CD59: variants seen among roughly 807,000 people sequenced by gnomAD.
The protein encoded by CD59 is CD59 molecule (CD59 blood group).
A neutral mutation model predicts 7.0 loss-of-function variants in CD59; 3 were observed. The ratio of observed to expected loss-of-function variants is 0.43; its 90% CI spans 0.19 to 1.10. The LOEUF (loss-of-function observed/expected upper bound fraction) is 1.10, where lower values mean the gene tolerates loss of function less well. Ranked by LOEUF, CD59 falls within the 50% of genes least tolerant of loss-of-function variation. CD59 has a pLI of 0.29. For synonymous variants in CD59, 60 were observed against 62.0 expected, an observed-to-expected ratio of 0.97 and a Z score of 0.15; for missense variants, 143 against 151.0, an observed-to-expected ratio of 0.95 and a Z score of 0.28.
chr11:33,727,140 T>C (rs1173644172), intron 1 of CD59, among the ~76,000 whole-genome samples: 1 of 152,062 alleles, frequency 6.6e-6, no homozygotes, highest in East Asian at 1.9e-4. Flanking sequence ...TTCCAATCAA[T>C]AGAAAAAGAG....
At chr11:33,731,567 C>T (rs183009275) in intron 1 of CD59, 2 of 152,242 alleles carry the variant, frequency 1.3e-5, no homozygotes, top group Non-Finnish European at 2.9e-5. Context: ...TAGACTCCAG[C>T]CCTAGAGGTT....
At chr11:33,728,703 G>A (rs1177530586) in intron 1 of CD59, among the ~76,000 whole-genome samples, 2 of 152,200 alleles carry the variant, frequency 1.3e-5, no homozygotes, top group Non-Finnish European at 2.9e-5. Context: ...CTTCTGCACA[G>A]CAAAAGAAAC....
At chr11:33,728,441 A>G (rs1456934329) in intron 1 of CD59, among the ~76,000 whole-genome samples, 1 of 152,204 alleles carries the variant, frequency 6.6e-6, no homozygotes, top group Non-Finnish European at 1.5e-5. Flanking sequence ...TATTTAATAA[A>G]TGGTTCTGAG....
chr11:33,717,974 AG>A (rs2133546705), intron 2 of CD59: 1 of 190,628 alleles, frequency 5.2e-6, no homozygotes, highest in East Asian at 1.3e-4. Context: ...ATTTGATGCG[AG>A]GGAACACTAA....
intron 1 of CD59, among the ~76,000 whole-genome samples, chr11:33,730,461 T>A (rs1425969081): frequency 6.6e-6 from 1 of 152,080 alleles, no homozygotes; most frequent in East Asian, 1.9e-4. Flanking sequence ...AGACCAGACA[T>A]GGCACCAAAG....
chr11:33,709,708 G>T lies in CD59; in HGVS notation c.*418C>A, dbSNP rs921850877. On this transcript the variant is annotated 3_prime_UTR_variant, in exon 4 of 4. Coordinates refer to ENST00000642928, the MANE Select transcript of CD59 (RefSeq NM_000611.6). ...CGGGATCCCTGAAGTTTATGAAAGC[G>T]TTCCATGTGAGAGAGGATGCTCATA... 2.5e-5 allele frequency: 7 copies of T among 275,076 alleles called. No individual in the cohort carries two copies. In the Admixed American group the frequency reaches 3.5e-4, roughly 14 times the overall value. The allele number at this position is 275,076 out of a possible 1,614,324, so 17.0% of individuals were successfully genotyped here.
rs1853272550 is a variant in CD59, at chr11:33,705,460, T to C, written c.*4666A>G. 6.6e-6 allele frequency: 1 copy of C among 152,254 alleles called. No homozygotes were observed. Among genetic ancestry groups the C allele is most frequent in the African/African-American group, 2.4e-5 (1 of 41,462 alleles). 9.4% of individuals were successfully genotyped at this position (152,254 alleles called of 1,614,324 possible). ...TGGTGGTAGACACTGTCTACCTTGT[T>C]TGCTGAGTCTTCTGGCTTTCTTCCA... On this transcript the variant is annotated 3_prime_UTR_variant, in exon 4 of 4. Coordinates refer to ENST00000642928, the MANE Select transcript of CD59 (RefSeq NM_000611.6).
Position 33,710,728 on chromosome 11 carries a change from T to TTTC in CD59, c.170-386_170-385insGAA, listed in dbSNP as rs1389273656. Among the ~76,000 whole-genome samples, 664 of 151,742 alleles carry TTTC rather than the reference T, an allele frequency of 4.4e-3. 8 individuals are homozygous for TTTC. Among genetic ancestry groups the TTTC allele is most frequent in the African/African-American group, 0.016 (645 of 41,404 alleles). ...GGATTTTTTCCTTTTCTTTTCTTTTTTTTTTTTAGAGAGATAAGGTCTCAC... is the reference window on the plus strand; with the variant it reads ...GGATTTTTTCCTTTTCTTTTCTTTTTTTCTTTTTTTAGAGAGATAAGGTCTCAC... On this transcript the variant is annotated intron_variant, in intron 3 of 3. Coordinates refer to ENST00000642928, the MANE Select transcript of CD59 (RefSeq NM_000611.6).
chr11:33,716,986 C>G (rs1489631461), intron 3 of CD59, among the ~76,000 whole-genome samples: 1 of 152,208 alleles, frequency 6.6e-6, no homozygotes. Context: ...ATCTTTGCAT[C>G]CCTAGCTCCT....
At chr11:33,716,340 G>C (rs1010250286) in intron 3 of CD59, among the ~76,000 whole-genome samples, 2 of 152,050 alleles carry the variant, frequency 1.3e-5, no homozygotes, top group African/African-American at 4.8e-5. Flanking sequence ...TGAACATGTG[G>C]GTGTCCCAAG....
rs148096596 is a variant in CD59 at position 33,722,172 on chromosome 11, G to C, written c.67+207C>G. 7.9e-5 allele frequency among the ~76,000 whole-genome samples: 12 copies of C among 152,174 alleles called. 1 individual carries two copies. The highest frequency in any genetic ancestry group is 2.2e-4 in the African/African-American group (9 of 41,550). On this transcript the variant is annotated intron_variant, in intron 2 of 3. Transcript: ENST00000642928. ...CTGCCAAAAGCCACGCTGTAACTCA[G>C]GACGGGCTGTAACTCAGGACGATGC...
chr11:33,721,920 C>T (rs964942138), intron 2 of CD59, among the ~76,000 whole-genome samples: 3 of 152,178 alleles, frequency 2.0e-5, no homozygotes, highest in South Asian at 2.1e-4. Flanking sequence ...TAGTGACTGG[C>T]ACATAAATGC....
chr11:33,724,773 T>G (rs1376256532), intron 1 of CD59, among the ~76,000 whole-genome samples: 1 of 152,114 alleles, frequency 6.6e-6, no homozygotes, highest in Non-Finnish European at 1.5e-5. Context: ...AGTCTTAGCC[T>G]CAGTTCCACA....
intron 2 of CD59, 35 bp downstream of exon 2, chr11:33,722,344 A>G (rs1271615914): frequency 6.7e-7 from 1 of 1,484,248 alleles, no homozygotes; most frequent in East Asian, 2.3e-5. Context: ...TGGCCAAGGC[A>G]GCCTAGATCC....
intron 1 of CD59, among the ~76,000 whole-genome samples, chr11:33,726,290 C>T (rs1356899590): frequency 1.3e-5 from 2 of 152,176 alleles, no homozygotes; most frequent in African/African-American, 2.4e-5. Context: ...GTAAAACACT[C>T]CTCAGCAAAT....
Position 33,703,736 on chromosome 11 carries a change from G to A in CD59, c.*6390C>T, listed in dbSNP as rs1853192518. 1 of 152,134 alleles carries A rather than the reference G, an allele frequency of 6.6e-6. No homozygotes were observed. 9.4% of individuals were successfully genotyped at this position (152,134 alleles called of 1,614,324 possible). ...TGAAGAGCTTGCCAAGGACAGGACT[G>A]ATTCTTCCTCCAGCCTCACCTATCG... On this transcript the variant is annotated 3_prime_UTR_variant, in exon 4 of 4. Transcript: ENST00000642928.
At chr11:33,720,447 C>T (rs1854003926) in intron 2 of CD59, among the ~76,000 whole-genome samples, 1 of 152,140 alleles carries the variant, frequency 6.6e-6, no homozygotes, top group African/African-American at 2.4e-5. Context: ...GCCTGTAATC[C>T]CAACACTTTG....
intron 1 of CD59, 65 bp from the exon 2 acceptor site, chr11:33,722,528 C>G: frequency 5.6e-6 from 9 of 1,596,288 alleles, no homozygotes; most frequent in Non-Finnish European, 7.7e-6. Flanking sequence ...TCTCAAAAAC[C>G]AAGGGCTGGA....
rs1854565729 is a variant in CD59, at chr11:33,736,080, C to T, written c.-19+302G>A. 6.6e-6 allele frequency among the ~76,000 whole-genome samples: 1 copy of T among 152,102 alleles called. No individual in the cohort carries two copies. ...CTTGAGACGAAAGCGATGGCAGGGG[C>T]CCGGGTGCGAGGCTGCCCCCGAGGG... On this transcript the variant is annotated intron_variant, in intron 1 of 3. Coordinates refer to ENST00000642928, the MANE Select transcript of CD59 (RefSeq NM_000611.6). The surrounding 1 kb of genome is among the most constrained non-coding windows in gnomAD (Gnocchi z 4.4).
Sources: allele counts gnomAD v4.1 joint callset (sites outside exome capture counted in the v4.1 genomes callset), GRCh38; gene constraint gnomAD v4.1.1; non-coding constraint Gnocchi (gnomAD v3.1); transcripts MANE v1.5; gene names NCBI Gene and HGNC (gene_info 2026-07-23, HGNC 2026-07-21).